The following RMDN2 variants were observed in gnomAD, a reference collection of about 807,000 sequenced individuals.
RMDN2 encodes the protein regulator of microtubule dynamics protein 2.
RMDN2 carries 61 observed loss-of-function variants against 52.8 expected under a neutral mutation model. The ratio of observed to expected loss-of-function variants is 1.16; its 90% CI spans 0.94 to 1.43. RMDN2 has a LOEUF of 1.43. RMDN2 is among the 40% of genes most tolerant of loss of function. The pLI is 0.00. For synonymous variants in RMDN2, 180 were observed against 153.1 expected (o/e 1.18, Z -1.30); for missense variants, 592 against 475.3 (o/e 1.25, Z -2.28).
chr2:38,019,318 G>C (rs1175120645), downstream of RMDN2, among the ~76,000 whole-genome samples: 1 of 152,130 alleles, frequency 6.6e-6, no homozygotes, highest in African/African-American at 2.4e-5. Context: ...AGTGGGATTT[G>C]GGACTCATAA....
chr2:37,956,232 T>A (rs1054380266), intron 2 of RMDN2, among the ~76,000 whole-genome samples: 1 of 152,212 alleles, frequency 6.6e-6, no homozygotes, highest in South Asian at 2.1e-4. Context: ...TTTTTACTAG[T>A]TATAGATCTA....
chr2:37,962,885 G>A (rs976131711), intron 2 of RMDN2, among the ~76,000 whole-genome samples: 17 of 152,224 alleles, frequency 1.1e-4, no homozygotes, highest in African/African-American at 2.9e-4. Flanking sequence ...TAGGAAAAGC[G>A]TAGCATCTGG....
chr2:37,973,950 G>C (rs1672126062), intron 2 of RMDN2, 90 bp from the exon 3 acceptor site: 4 of 1,010,880 alleles, frequency 4.0e-6, no homozygotes, highest in South Asian at 2.8e-5. Context: ...AAGCATAAGA[G>C]GGGCATGATT....
intron 10 of RMDN2, among the ~76,000 whole-genome samples, chr2:38,044,509 T>A (rs1241869224): frequency 6.6e-6 from 1 of 152,058 alleles, no homozygotes; most frequent in Non-Finnish European, 1.5e-5. Context: ...CCATTTCCCA[T>A]TATGCATATG....
chr2:37,990,978 A>G (rs1674712573), intron 6 of RMDN2, among the ~76,000 whole-genome samples: 1 of 152,186 alleles, frequency 6.6e-6, no homozygotes, highest in Non-Finnish European at 1.5e-5. Context: ...AATTTTTATA[A>G]CAGTATTTTG....
Position 38,048,221 on chromosome 2 carries a change from A to G in RMDN2, c.1714-18761A>G, listed in dbSNP as rs550410060. Reference sequence around the variant, plus strand: ...ACTTCTGTATGTGCTACATTTTCTTACACTCCTTCTTCCTAAAGGTAGAGT... The same window carrying G: ...ACTTCTGTATGTGCTACATTTTCTTGCACTCCTTCTTCCTAAAGGTAGAGT... On this transcript the variant is annotated intron_variant, in intron 10 of 10. Transcript: ENST00000234195. Among the ~76,000 whole-genome samples, 36 of 152,296 alleles carry G rather than the reference A, an allele frequency of 2.4e-4. No homozygotes were observed. The South Asian group carries it at 7.3e-3, about 31-fold the overall frequency.
At chr2:38,036,417 A>C (rs1054587061) in intron 10 of RMDN2, 13 of 152,224 alleles carry the variant, frequency 8.5e-5, no homozygotes, top group African/African-American at 3.1e-4. Flanking sequence ...ACAGGCACTC[A>C]CTTCACTGTT....
At chr2:38,040,045 C>CATCATTATT (rs1553388013) in intron 10 of RMDN2, among the ~76,000 whole-genome samples, 2 of 141,686 alleles carry the variant, frequency 1.4e-5, no homozygotes, top group South Asian at 2.3e-4. Flanking sequence ...TGTCTAGATT[C>CATCATTATT]ATTATTATTA....
chr2:37,969,134 G>T (rs1237798439), intron 2 of RMDN2, among the ~76,000 whole-genome samples: 2 of 151,120 alleles, frequency 1.3e-5, no homozygotes, highest in African/African-American at 4.9e-5. Context: ...CATTGACCCA[G>T]TTTCTTTAGC....
rs113952931 is a variant in RMDN2 at position 37,926,779 on chromosome 2, T to G, written c.-17+1354T>G. 3.1e-3 allele frequency among the ~76,000 whole-genome samples: 477 copies of G among 152,224 alleles called. 3 individuals carry two copies. Among genetic ancestry groups the G allele is most frequent in the Non-Finnish European group, 5.1e-3 (348 of 67,998 alleles). ...AGGGAGACTCACTCTCTACAAGTAA[T>G]GTAAAAATTAGCCGGGCGTGGTTGC... On this transcript the variant is annotated intron_variant, in intron 1 of 10. Coordinates refer to ENST00000354545, the MANE Select transcript of RMDN2 (RefSeq NM_001170791.3).
intron 2 of RMDN2, among the ~76,000 whole-genome samples, chr2:37,930,518 C>T (rs1666643857): frequency 1.3e-5 from 2 of 152,202 alleles, no homozygotes; most frequent in South Asian, 4.1e-4. Flanking sequence ...CCCCAAGGGG[C>T]AGCCCAGGGA....
At chr2:38,004,437 A>G (rs1271482754) in intron 10 of RMDN2, among the ~76,000 whole-genome samples, 1 of 152,214 alleles carries the variant, frequency 6.6e-6, no homozygotes, top group Admixed American at 6.5e-5. Flanking sequence ...CAATCAAGCT[A>G]ATTAACACAT....
At chr2:38,005,235 T>C in intron 10 of RMDN2, among the ~76,000 whole-genome samples, 1 of 152,238 alleles carries the variant, frequency 6.6e-6, no homozygotes, top group Non-Finnish European at 1.5e-5. Flanking sequence ...AATGGCTGGG[T>C]CAAATGGTAT....
At chr2:37,928,099 C>T (rs987620276) in intron 1 of RMDN2, among the ~76,000 whole-genome samples, 1 of 152,138 alleles carries the variant, frequency 6.6e-6, no homozygotes, top group Non-Finnish European at 1.5e-5. Flanking sequence ...TCACTAACAC[C>T]TGAGGTAATT....
At chr2:38,045,334 C>T (rs4670234) in intron 10 of RMDN2, among the ~76,000 whole-genome samples, 44,302 of 152,108 alleles carry the variant, frequency 0.29, 8,014 homozygotes, top group South Asian at 0.48. Context: ...GAGACAATGC[C>T]TGTAACACTC....
At chr2:38,060,370 G>C (rs1573254573) in intron 10 of RMDN2, among the ~76,000 whole-genome samples, 1 of 152,108 alleles carries the variant, frequency 6.6e-6, no homozygotes, top group South Asian at 2.1e-4. Context: ...AAACCACATT[G>C]GAAAACACAC....
chr2:37,952,259 C>T (rs1335282395), intron 2 of RMDN2: 2 of 1,506,360 alleles, frequency 1.3e-6, no homozygotes, highest in African/African-American at 2.9e-5. Flanking sequence ...TCCCACCAGT[C>T]ACTTTCATAG....
In RMDN2 at chr2:38,017,718, A is replaced by C. The variant is rs1346524841; in HGVS notation, c.*479A>C. 1 of 386,532 alleles carries C rather than the reference A, an allele frequency of 2.6e-6. No homozygotes were observed. Among genetic ancestry groups the C allele is most frequent in the Non-Finnish European group, 4.7e-6 (1 of 213,800 alleles). 23.9% of individuals were successfully genotyped at this position (386,532 alleles called of 1,614,324 possible). A position where few individuals can be genotyped will look rare whatever the true frequency, so the allele number is the denominator to read the frequency against. ...GTAATCAAAAGATGTGAATAAAATT[A>C]CAATAAAATACTGTTTTACCATCAA... On this transcript the variant is annotated 3_prime_UTR_variant, in exon 11 of 11. Coordinates refer to ENST00000354545, the MANE Select transcript of RMDN2 (RefSeq NM_001170791.3).
At chr2:37,997,659 A>T (rs1278473963) in intron 8 of RMDN2, 145 bp downstream of exon 8, 26 of 616,016 alleles carry the variant, frequency 4.2e-5, no homozygotes, top group Non-Finnish European at 6.9e-5. Flanking sequence ...AGCCCCTCAT[A>T]ATGCAAGTTA....
Sources: allele counts gnomAD v4.1 joint callset (sites outside exome capture counted in the v4.1 genomes callset), GRCh38; gene constraint gnomAD v4.1.1; transcripts MANE v1.5; gene names NCBI Gene and HGNC (gene_info 2026-07-23, HGNC 2026-07-21).